The following NCBP3 variants were observed in gnomAD, a reference collection of about 807,000 sequenced individuals.
The protein encoded by NCBP3 is nuclear cap binding subunit 3, also known as nuclear cap-binding protein subunit 3.
Under a neutral mutation model 75.7 loss-of-function variants are expected in NCBP3, and 20 were observed. The ratio of observed to expected loss-of-function variants is 0.26; its 90% CI spans 0.19 to 0.38. The LOEUF is 0.38. NCBP3 is among the 10% of genes least tolerant of loss of function. The pLI is 1.00. For synonymous variants in NCBP3, 293 were observed against 290.5 expected (o/e 1.01, Z -0.09); for missense variants, 678 against 796.9 (o/e 0.85, Z 1.80).
At chr17:3,817,134 T>G (rs1054100730) in intron 10 of NCBP3, among the ~76,000 whole-genome samples, 9 of 152,182 alleles carry the variant, frequency 5.9e-5, no homozygotes, top group Non-Finnish European at 1.3e-4. Context: ...AGAGCATCCC[T>G]AGACTCTAAC....
chr17:3,816,201 AGGT>A lies in NCBP3; in HGVS notation c.1377_1379del (p.Pro460del). On this transcript the variant is annotated inframe_deletion, in exon 11 of 13. Coordinates refer to ENST00000389005, the MANE Select transcript of NCBP3 (RefSeq NM_001114118.3). Reference sequence around the variant, plus strand: ...GATGTCGGACATCTGCAAATTTCTCAGGTGGTAATTTGTTACCAATTCGGTTTT... The same window carrying A: ...GATGTCGGACATCTGCAAATTTCTCAGGTAATTTGTTACCAATTCGGTTTT... The A allele has an allele frequency of 6.2e-7, 1 of 1,614,088 alleles. No individual in the cohort carries two copies. The highest frequency in any genetic ancestry group is 8.5e-7 in the Non-Finnish European group (1 of 1,179,944).
At chr17:3,823,833 C>A (rs1054593136) in intron 7 of NCBP3, 1 of 152,128 alleles carries the variant, frequency 6.6e-6, no homozygotes. Flanking sequence ...AGGACTGGGA[C>A]GAGTAAGTAT....
intron 2 of NCBP3, among the ~76,000 whole-genome samples, chr17:3,841,130 C>T (rs978223649): frequency 5.9e-5 from 9 of 152,160 alleles, no homozygotes; most frequent in African/African-American, 2.2e-4. Flanking sequence ...GTGCACACCA[C>T]CACGCCCAGC....
chr17:3,845,959 C>T, intron 1 of NCBP3, 82 bp downstream of exon 1: 9 of 1,438,690 alleles, frequency 6.3e-6, no homozygotes, highest in Non-Finnish European at 8.4e-6. Flanking sequence ...GCTGGGGCTC[C>T]GGCCACCGCC....
rs1323862482 is a variant in NCBP3, at chr17:3,807,879, C to G, written c.*5165G>C. 6.6e-6 allele frequency: 1 copy of G among 151,992 alleles called. No homozygotes were observed. The highest frequency in any genetic ancestry group is 1.5e-5 in the Non-Finnish European group (1 of 68,020). 9.4% of individuals were successfully genotyped at this position (151,992 alleles called of 1,614,324 possible). A position where few individuals can be genotyped will look rare whatever the true frequency, so the allele number is the denominator to read the frequency against. Reference sequence around the variant, plus strand: ...TGCTCTCACGGAGCTTACAGTCTAGCAAGACAAACTAGGAACAAGAAATTA... The same window carrying G: ...TGCTCTCACGGAGCTTACAGTCTAGGAAGACAAACTAGGAACAAGAAATTA... On this transcript the variant is annotated 3_prime_UTR_variant, in exon 13 of 13. Coordinates refer to ENST00000389005, the MANE Select transcript of NCBP3 (RefSeq NM_001114118.3).
chr17:3,811,942 ATGTCTTCAGG>A lies in NCBP3; in HGVS notation c.*1092_*1101del, dbSNP rs1343782198. On this transcript the variant is annotated 3_prime_UTR_variant, in exon 13 of 13. Transcript: ENST00000389005. ...ATTATCTTTTCTGCCAATTTTGAAG[ATGTCTTCAGG>A]TGCCACAACGTGGGGACAGAAAGAA... 1 of 152,232 alleles carries A rather than the reference ATGTCTTCAGG, an allele frequency of 6.6e-6. No homozygotes were observed. Among genetic ancestry groups the A allele is most frequent in the African/African-American group, 2.4e-5 (1 of 41,450 alleles). The allele number at this position is 152,232 out of a possible 1,614,324, so 9.4% of individuals were successfully genotyped here. A position where few individuals can be genotyped will look rare whatever the true frequency, so the allele number is the denominator to read the frequency against.
intron 2 of NCBP3, among the ~76,000 whole-genome samples, chr17:3,841,859 A>G (rs1271194000): frequency 6.6e-6 from 1 of 151,544 alleles, no homozygotes; most frequent in East Asian, 1.9e-4. Flanking sequence ...CACTATAAAA[A>G]GGAAGGCACG....
intron 5 of NCBP3, 81 bp downstream of exon 5, chr17:3,826,006 G>T: frequency 6.7e-7 from 1 of 1,482,654 alleles, no homozygotes. Context: ...GTGATGAGAT[G>T]CTATATAGAG....
chr17:3,846,086 C>T lies in NCBP3; in HGVS notation c.138G>A (p.Glu46=). The T allele has an allele frequency of 6.5e-7, 1 of 1,549,410 alleles. No individual in the cohort carries two copies. Among genetic ancestry groups the T allele is most frequent in the Non-Finnish European group, 8.7e-7 (1 of 1,146,070 alleles). Residue 46 remains glutamate (E), a synonymous_variant, in exon 1 of 13, where the codon GAG becomes GAA. Coordinates refer to ENST00000389005, the MANE Select transcript of NCBP3 (RefSeq NM_001114118.3). This position sits in a 1 kb window ranked among gnomAD's most constrained non-coding sequence, Gnocchi z 4.6. ...AGCGCCGCACAGGCACGATTTCCAG[C>T]TCGCCCTCCTCCACCTCCATGGGCT... is the stretch of plus-strand genomic sequence containing the variant. The part of the protein sequence containing the change: ...EPEPMEVEEG[E]LEIVPVRRSL...
At position 3,818,228 on chromosome 17, in the gene NCBP3, AAT is replaced by A. The variant is rs757992326; in HGVS notation, c.1310+33_1310+34del. ...GAAGTTATACTAGTATTTAAAATCAAATTAAAAGCTAGCTTTGATAAAACAAA... is the reference window on the plus strand; with the variant it reads ...GAAGTTATACTAGTATTTAAAATCAATAAAAGCTAGCTTTGATAAAACAAA... On this transcript the variant is annotated intron_variant, in intron 10 of 12. Transcript: ENST00000389005. The surrounding 1 kb of genome is among the most constrained non-coding windows in gnomAD (Gnocchi z 4.7). 1 of 1,425,462 alleles carries A rather than the reference AAT, an allele frequency of 7.0e-7. No individual in the cohort carries two copies. Among genetic ancestry groups the A allele is most frequent in the Non-Finnish European group, 9.6e-7 (1 of 1,045,610 alleles). The allele number at this position is 1,425,462 out of a possible 1,614,324, so 88.3% of individuals were successfully genotyped here. A position where few individuals can be genotyped will look rare whatever the true frequency, so the allele number is the denominator to read the frequency against.
chr17:3,844,915 CA>C lies in NCBP3; in HGVS notation c.183+1125del, dbSNP rs541060671. 1.5e-3 allele frequency among the ~76,000 whole-genome samples: 231 copies of C among 152,308 alleles called. 1 individual carries two copies. The highest frequency in any genetic ancestry group is 5.4e-3 in the African/African-American group (223 of 41,560). ...CGCCATTGCGTTCCAGCCTGGGCAA[CA>C]AGAGCGAACTCCGTCTCAAAACAAA... On this transcript the variant is annotated intron_variant, in intron 1 of 12. Coordinates refer to ENST00000389005, the MANE Select transcript of NCBP3 (RefSeq NM_001114118.3).
intron 7 of NCBP3, chr17:3,824,461 C>T (rs1381420078): frequency 1.3e-5 from 2 of 153,114 alleles, no homozygotes; most frequent in Non-Finnish European, 1.4e-5. Flanking sequence ...TACACACATA[C>T]ACGCGATACA....
At position 3,802,370 on chromosome 17, in the gene NCBP3, A is replaced by G. The variant is rs1366986083; in HGVS notation, c.*10674T>C. On this transcript the variant is annotated 3_prime_UTR_variant, in exon 13 of 13. Transcript: ENST00000389005. Reference sequence around the variant, plus strand: ...AAGGCTGCTTGGCTAAGGTTCTGTGAAGATCCGATGACATTTCCAACACTT... The same window carrying G: ...AAGGCTGCTTGGCTAAGGTTCTGTGGAGATCCGATGACATTTCCAACACTT... 6.6e-6 allele frequency: 1 copy of G among 152,044 alleles called. No individual in the cohort carries two copies. Among genetic ancestry groups the G allele is most frequent in the Non-Finnish European group, 1.5e-5 (1 of 68,014 alleles). 9.4% of individuals were successfully genotyped at this position (152,044 alleles called of 1,614,324 possible).
At chr17:3,824,140 T>G (rs928855413) in intron 7 of NCBP3, 7 of 152,132 alleles carry the variant, frequency 4.6e-5, no homozygotes, top group Non-Finnish European at 8.8e-5. Flanking sequence ...CTGACAAAAT[T>G]TGAAAATCGA....
In NCBP3 at chr17:3,814,492, A is replaced by G; in HGVS notation, c.1466-9T>C. Reference sequence around the variant, plus strand: ...TAACCGCTGGCGTATATCTGAAAAAAGAGAAAAAGTGCACCAGTGACCGTG... The same window carrying G: ...TAACCGCTGGCGTATATCTGAAAAAGGAGAAAAAGTGCACCAGTGACCGTG... On this transcript the variant is annotated splice_polypyrimidine_tract_variant and intron_variant, in intron 11 of 12. Transcript: ENST00000389005. The G allele has an allele frequency of 1.2e-6, 2 of 1,613,838 alleles. No individual in the cohort carries two copies. The highest frequency in any genetic ancestry group is 1.7e-6 in the Non-Finnish European group (2 of 1,179,956).
rs2053457663 is a variant in NCBP3 at position 3,813,237 on chromosome 17, T to C, written c.1670A>G (p.Glu557Gly). Residue 557 changes from glutamate to glycine, a missense_variant, in exon 13 of 13, where the codon GAA (glutamate) becomes GGA (glycine). Transcript: ENST00000389005. ...GTGATCCACTTTCTTCGTATTCTTT[T>C]CTTTGGTCTTGGGTGCAGATCCTAG... ...TRLGSAPKTK[E>G]KNTKKVDHRA... 1 of 1,614,262 alleles carries C rather than the reference T, an allele frequency of 6.2e-7. No homozygotes were observed.
intron 1 of NCBP3, among the ~76,000 whole-genome samples, chr17:3,844,954 C>T (rs887154340): frequency 6.6e-6 from 1 of 152,046 alleles, no homozygotes; most frequent in Non-Finnish European, 1.5e-5. Flanking sequence ...AAAACAAAAA[C>T]CATGTTGAAC....
chr17:3,835,768 G>A (rs2053962335), intron 3 of NCBP3, among the ~76,000 whole-genome samples: 2 of 152,246 alleles, frequency 1.3e-5, no homozygotes, highest in South Asian at 2.1e-4. Flanking sequence ...AACCATGAGA[G>A]TTTGAATCTT....
intron 1 of NCBP3, 69 bp downstream of exon 1, chr17:3,845,972 T>A: frequency 2.0e-6 from 3 of 1,487,556 alleles, no homozygotes; most frequent in Non-Finnish European, 2.7e-6. Context: ...CCACCGCCCC[T>A]TCCGGCCCCC....
Sources: gnomAD v4.1 joint callset for allele counts (sites outside exome capture counted in the v4.1 genomes callset) on GRCh38, gnomAD v4.1.1 for gene constraint, Gnocchi (gnomAD v3.1) non-coding constraint, MANE v1.5 for transcripts, NCBI Gene and HGNC (gene_info 2026-07-23, HGNC 2026-07-21) for gene names.